ZNF385B: variants seen among roughly 807,000 people sequenced by gnomAD.
ZNF385B encodes zinc finger protein 385B, also known as zinc finger protein 533.
Under a neutral mutation model 39.2 loss-of-function variants are expected in ZNF385B, and 23 were observed. That is an observed-to-expected ratio of 0.59 (90% CI 0.42 to 0.83). ZNF385B has a LOEUF of 0.83. Among genes scored for constraint, ZNF385B ranks in the 40% least tolerant of loss-of-function variants. The pLI is 0.00. For synonymous variants in ZNF385B, 205 were observed against 222.6 expected (o/e 0.92, Z 0.70); for missense variants, 552 against 598.9 (o/e 0.92, Z 0.82).
intron 5 of ZNF385B, among the ~76,000 whole-genome samples, chr2:179,505,286 TAAA>T (rs1232497897): frequency 6.6e-6 from 1 of 151,644 alleles, no homozygotes; most frequent in African/African-American, 2.4e-5. Context: ...AAAAGTGTAA[TAAA>T]AACTGTAAAG....
Position 179,483,369 on chromosome 2 carries a change from C to T in ZNF385B, c.618G>A (p.Thr206=), listed in dbSNP as rs776781514. ...HAKKVKALDA[T]KNKPKMVPSK... is the part of the protein sequence containing the mutation. ...AAGGAACCATTTTGGGTTTATTTTT[C>T]GTTGCGTCTAGTGCTTTGACCTTCT... Residue 206 remains threonine (T), a synonymous_variant, in exon 6 of 10, where the codon ACG becomes ACA. Transcript: ENST00000410066. The T allele has an allele frequency of 6.8e-5, 109 of 1,613,862 alleles. No individual in the cohort carries two copies. The highest frequency in any genetic ancestry group is 8.6e-5 in the Non-Finnish European group (101 of 1,179,928).
chr2:179,836,937 C>T (rs982847812), intron 1 of ZNF385B, among the ~76,000 whole-genome samples: 1 of 152,160 alleles, frequency 6.6e-6, no homozygotes, highest in African/African-American at 2.4e-5. Context: ...GCCCCCAGCA[C>T]CCCAGTCACC....
chr2:179,694,982 AG>A lies in ZNF385B; in HGVS notation c.298+74520del, dbSNP rs1559098830. Among the ~76,000 whole-genome samples, 16 of 151,936 alleles carry A rather than the reference AG, an allele frequency of 1.1e-4. No individual in the cohort carries two copies. The East Asian group carries it at 1.9e-3, about 18-fold the overall frequency. On this transcript the variant is annotated intron_variant, in intron 3 of 9. Transcript: ENST00000410066. ...GAGGAGGAGGAGGAGGAGGAGGAGG[AG>A]GAGGAGAAGAAAAAGAAGAAGGAGG...
intron 6 of ZNF385B, among the ~76,000 whole-genome samples, chr2:179,471,602 T>C (rs528316420): frequency 1.3e-5 from 2 of 152,330 alleles, no homozygotes; most frequent in Admixed American, 6.5e-5. Flanking sequence ...CATAGAATGC[T>C]TGAAATATTT....
At chr2:179,748,212 A>C (rs192975846) in intron 3 of ZNF385B, among the ~76,000 whole-genome samples, 54 of 152,268 alleles carry the variant, frequency 3.5e-4, no homozygotes, top group Non-Finnish European at 6.8e-4. Context: ...GCAATAATGC[A>C]CGATGACAAA....
intron 1 of ZNF385B, among the ~76,000 whole-genome samples, chr2:179,825,678 C>A (rs1707639300): frequency 1.3e-5 from 2 of 152,174 alleles, no homozygotes; most frequent in South Asian, 2.1e-4. Context: ...GAAGTCCCCA[C>A]AAGATGACTC....
intron 3 of ZNF385B, among the ~76,000 whole-genome samples, chr2:179,559,304 G>T (rs1367303115): frequency 2.0e-5 from 3 of 151,930 alleles, no homozygotes; most frequent in African/African-American, 7.3e-5. Flanking sequence ...TGTGACCCAA[G>T]GAATGCTGGT....
chr2:179,477,521 C>T (rs2053557741), intron 6 of ZNF385B, among the ~76,000 whole-genome samples: 1 of 152,154 alleles, frequency 6.6e-6, no homozygotes, highest in Non-Finnish European at 1.5e-5. Context: ...ATAAAACTAT[C>T]TCCCTGCCCT....
chr2:179,644,070 TA>T (rs1415784011), intron 3 of ZNF385B, among the ~76,000 whole-genome samples: 3 of 152,072 alleles, frequency 2.0e-5, no homozygotes, highest in African/African-American at 7.2e-5. Flanking sequence ...TACTAAAGTT[TA>T]ACCATATTTG....
intron 6 of ZNF385B, among the ~76,000 whole-genome samples, chr2:179,464,934 T>C (rs2051820320): frequency 1.3e-5 from 2 of 152,264 alleles, no homozygotes; most frequent in South Asian, 4.1e-4. Flanking sequence ...GTTCTAAAAG[T>C]CACTCCTTAA....
At chr2:179,815,275 T>C (rs1706991971) in intron 1 of ZNF385B, among the ~76,000 whole-genome samples, 1 of 152,156 alleles carries the variant, frequency 6.6e-6, no homozygotes, top group Admixed American at 6.5e-5. Flanking sequence ...TTGATACCTG[T>C]GAGGAGGAAG....
intron 1 of ZNF385B, among the ~76,000 whole-genome samples, chr2:179,793,138 T>C (rs1257817462): frequency 1.3e-5 from 2 of 152,160 alleles, no homozygotes; most frequent in African/African-American, 4.8e-5. Flanking sequence ...TCTTTGCATA[T>C]GAGGAGAAAA....
In ZNF385B at chr2:179,694,985, AGG is replaced by A. The variant is rs1471217866; in HGVS notation, c.298+74516_298+74517del. Among the ~76,000 whole-genome samples, 15 of 150,182 alleles carry A rather than the reference AGG, an allele frequency of 1.0e-4. No individual in the cohort carries two copies. In the East Asian group the frequency reaches 1.9e-3, roughly 19 times the overall value. ...GAGGAGGAGGAGGAGGAGGAGGAGG[AGG>A]AGAAGAAAAAGAAGAAGGAGGACGT... On this transcript the variant is annotated intron_variant, in intron 3 of 9. Coordinates refer to ENST00000410066, the MANE Select transcript of ZNF385B (RefSeq NM_152520.6).
intron 8 of ZNF385B, 64 bp downstream of exon 8, chr2:179,445,486 T>A: frequency 1.6e-5 from 24 of 1,501,168 alleles, no homozygotes; most frequent in Non-Finnish European, 2.0e-5. Context: ...ATTCTATAGA[T>A]GAGAAGATAC....
At chr2:179,826,501 A>T (rs1707691091) in intron 1 of ZNF385B, among the ~76,000 whole-genome samples, 1 of 152,198 alleles carries the variant, frequency 6.6e-6, no homozygotes, top group Admixed American at 6.5e-5. Context: ...TCTGTGAAGC[A>T]AAGAGGGCTA....
intron 3 of ZNF385B, among the ~76,000 whole-genome samples, chr2:179,612,139 T>G (rs1021649721): frequency 5.9e-5 from 9 of 152,190 alleles, no homozygotes; most frequent in African/African-American, 2.2e-4. Flanking sequence ...TATCTTAAAT[T>G]TCATTGAGTT....
chr2:179,798,799 C>T (rs1364513427), intron 1 of ZNF385B, among the ~76,000 whole-genome samples: 1 of 152,000 alleles, frequency 6.6e-6, no homozygotes, highest in Non-Finnish European at 1.5e-5. Context: ...TTGTTTATTT[C>T]ACTTTGCTTT....
intron 4 of ZNF385B, among the ~76,000 whole-genome samples, chr2:179,520,686 C>G (rs1369644876): frequency 6.6e-6 from 1 of 152,160 alleles, no homozygotes; most frequent in African/African-American, 2.4e-5. Context: ...AGTTAAAAAA[C>G]AAGAGCATTT....
At chr2:179,780,015 G>C (rs1704571177) in intron 1 of ZNF385B, among the ~76,000 whole-genome samples, 1 of 152,032 alleles carries the variant, frequency 6.6e-6, no homozygotes, top group Admixed American at 6.6e-5. Flanking sequence ...GGGGTTGGAG[G>C]AGAGGGTAAG....
Sources: gnomAD v4.1 joint callset for allele counts (sites outside exome capture counted in the v4.1 genomes callset) on GRCh38, gnomAD v4.1.1 for gene constraint, MANE v1.5 for transcripts, NCBI Gene and HGNC (gene_info 2026-07-23, HGNC 2026-07-21) for gene names.